The following LARGE1 variants were observed in gnomAD, a reference collection of about 807,000 sequenced individuals.
LARGE1 encodes xylosyl- and glucuronyltransferase LARGE1.
In LARGE1, 43 loss-of-function variants were observed where a neutral mutation model predicts 87.6. The observed-to-expected ratio is 0.49, with a 90% confidence interval of 0.38 to 0.63. LARGE1 has a LOEUF of 0.63. Among genes scored for constraint, LARGE1 ranks in the 30% least tolerant of loss-of-function variants. LARGE1 has a pLI of 0.00. For synonymous variants in LARGE1, 434 were observed against 394.6 expected (o/e 1.10, Z -1.18); for missense variants, 802 against 1,000.2 (o/e 0.80, Z 2.67).
At chr22:33,168,817 A>G (rs1922408016) in intron 11 of LARGE1, among the ~76,000 whole-genome samples, 1 of 152,208 alleles carries the variant, frequency 6.6e-6, no homozygotes, top group Admixed American at 6.5e-5. Flanking sequence ...TTTAATATCT[A>G]CATCAAATAT....
At chr22:33,826,352 T>TC (rs2062783197) in intron 1 of LARGE1, among the ~76,000 whole-genome samples, 1 of 151,122 alleles carries the variant, frequency 6.6e-6, no homozygotes, top group African/African-American at 2.4e-5. Flanking sequence ...ACCTTTTTTT[T>TC]TTTTTTTTAA....
chr22:33,656,055 A>G (rs1316426188), intron 2 of LARGE1, among the ~76,000 whole-genome samples: 1 of 117,392 alleles, frequency 8.5e-6, no homozygotes, highest in Non-Finnish European at 1.8e-5. Context: ...GAGCATAAGC[A>G]TGAGTGTGTG....
chr22:33,498,156 A>ATTAC (rs2070241287), intron 6 of LARGE1, among the ~76,000 whole-genome samples: 1 of 152,096 alleles, frequency 6.6e-6, no homozygotes, highest in Non-Finnish European at 1.5e-5. Context: ...AAATGCTGGG[A>ATTAC]TTACAGGTGT....
At chr22:33,289,351 C>A (rs909633808) in intron 12 of LARGE1, among the ~76,000 whole-genome samples, 4 of 152,150 alleles carry the variant, frequency 2.6e-5, no homozygotes, top group Non-Finnish European at 5.9e-5. Flanking sequence ...AGCCAGACAG[C>A]AGCAGCTTCC....
At chr22:33,828,322 C>G (rs1263963585) in intron 1 of LARGE1, among the ~76,000 whole-genome samples, 1 of 152,218 alleles carries the variant, frequency 6.6e-6, no homozygotes, top group Non-Finnish European at 1.5e-5. Flanking sequence ...GAATCCAGGG[C>G]ATCCTGAGAG....
intron 1 of LARGE1, among the ~76,000 whole-genome samples, chr22:33,773,224 CA>C (rs1298694279): frequency 6.6e-6 from 1 of 152,236 alleles, no homozygotes. Flanking sequence ...TCTGGCCTGT[CA>C]AACTGGCACT....
At chr22:33,584,805 T>C (rs1381344326) in intron 5 of LARGE1, among the ~76,000 whole-genome samples, 1 of 152,184 alleles carries the variant, frequency 6.6e-6, no homozygotes, top group East Asian at 1.9e-4. Flanking sequence ...CCAAACTGGC[T>C]TAGAAGTCAC....
intron 1 of LARGE1, among the ~76,000 whole-genome samples, chr22:33,789,676 A>T (rs1477893873): frequency 6.6e-6 from 1 of 152,228 alleles, no homozygotes; most frequent in African/African-American, 2.4e-5. Flanking sequence ...AGAGGATGTG[A>T]GACATGGAAT....
intron 1 of LARGE1, among the ~76,000 whole-genome samples, chr22:33,837,222 CAT>C (rs147768340): frequency 2.4e-4 from 36 of 147,712 alleles, no homozygotes; most frequent in Admixed American, 9.6e-4. Flanking sequence ...CATGCCACTC[CAT>C]ATATATATAT....
intron 1 of LARGE1, among the ~76,000 whole-genome samples, chr22:33,776,418 T>C (rs1288353840): frequency 6.6e-6 from 1 of 152,182 alleles, no homozygotes; most frequent in African/African-American, 2.4e-5. Context: ...AACAATGCAT[T>C]GCCAAAGAGG....
At chr22:33,155,099 G>A in the LARGE1 span, among the ~76,000 whole-genome samples, 2 of 152,168 alleles carry the variant, frequency 1.3e-5, no homozygotes, top group Non-Finnish European at 2.9e-5. Context: ...CCCAGTCTAG[G>A]TATGTCTTTG....
intron 6 of LARGE1, among the ~76,000 whole-genome samples, chr22:33,551,828 T>C (rs988897929): frequency 6.6e-6 from 1 of 151,826 alleles, no homozygotes; most frequent in Non-Finnish European, 1.5e-5. Context: ...CCATCTCTAC[T>C]AAAAATACAA....
chr22:33,598,199 T>C (rs1346760564), intron 5 of LARGE1, among the ~76,000 whole-genome samples: 1 of 152,190 alleles, frequency 6.6e-6, no homozygotes. Context: ...CAGACAGTTC[T>C]GGATATTCAT....
At chr22:33,864,132 C>A (rs969253599) in intron 1 of LARGE1, among the ~76,000 whole-genome samples, 1 of 152,092 alleles carries the variant, frequency 6.6e-6, no homozygotes, top group Non-Finnish European at 1.5e-5. Context: ...CTGACAGAGA[C>A]AGGAGGAAGC....
chr22:33,261,371 T>G (rs1402525887), intron 11 of LARGE1, among the ~76,000 whole-genome samples: 1 of 152,188 alleles, frequency 6.6e-6, no homozygotes, highest in East Asian at 1.9e-4. Context: ...GGAAGTGCTC[T>G]GGGGCCCTGT....
At chr22:33,536,237 G>C (rs905726201) in intron 6 of LARGE1, among the ~76,000 whole-genome samples, 1 of 152,194 alleles carries the variant, frequency 6.6e-6, no homozygotes, top group South Asian at 2.1e-4. Context: ...AGAACAGAAC[G>C]AAAGGGCATG....
intron 7 of LARGE1, among the ~76,000 whole-genome samples, chr22:33,386,171 C>T (rs574886346): frequency 6.7e-6 from 1 of 148,862 alleles, no homozygotes; most frequent in South Asian, 2.4e-4. Flanking sequence ...GTATCATTTC[C>T]CCTAATGCTC....
the LARGE1 span, among the ~76,000 whole-genome samples, chr22:33,133,287 C>T: frequency 6.6e-6 from 1 of 152,110 alleles, no homozygotes; most frequent in Admixed American, 6.5e-5. Context: ...CCCATCAACC[C>T]GTCATCTACA....
chr22:33,913,716 T>C (rs1249365877), intron 1 of LARGE1, among the ~76,000 whole-genome samples: 1 of 151,910 alleles, frequency 6.6e-6, no homozygotes, highest in African/African-American at 2.4e-5. Context: ...GCTAATTTTT[T>C]TTTTTGTATT....
Sources: gnomAD v4.1 joint callset for allele counts (sites outside exome capture counted in the v4.1 genomes callset) on GRCh38, gnomAD v4.1.1 for gene constraint, MANE v1.5 for transcripts, NCBI Gene and HGNC (gene_info 2026-07-23, HGNC 2026-07-21) for gene names.